The following ZNF846 variants were observed in gnomAD, a reference collection of about 807,000 sequenced individuals.
ZNF846 encodes the protein zinc finger protein 420 pseudogene.
A neutral mutation model predicts 16.0 loss-of-function variants in ZNF846; 15 were observed. The ratio of observed to expected loss-of-function variants is 0.94; its 90% CI spans 0.63 to 1.45. The LOEUF (loss-of-function observed/expected upper bound fraction) is 1.45, where lower values mean the gene tolerates loss of function less well. Ranked by LOEUF, ZNF846 falls within the 40% of genes most tolerant of loss-of-function variation. ZNF846 has a pLI of 0.00. For missense variants in ZNF846, 714 were observed against 622.3 expected, an observed-to-expected ratio of 1.15 and a Z score of -1.57; for synonymous variants, 229 against 212.0, an observed-to-expected ratio of 1.08 and a Z score of -0.70.
chr19:9,775,185 GTATATATA>G lies in ZNF846; in HGVS notation c.-85-10158_-85-10151del, dbSNP rs559361921. ...TTTAAATATATATACATATATATGT[GTATATATA>G]TGTGTGTGTGTGTGTGTGTGTATAT... On this transcript the variant is annotated intron_variant, in intron 1 of 4. Transcript: ENST00000586814. 2.1e-5 allele frequency among the ~76,000 whole-genome samples: 3 copies of G among 140,858 alleles called. No homozygotes were observed. In the South Asian group the frequency reaches 6.6e-4, roughly 31 times the overall value. The allele number at this position is 140,858 out of a possible 152,430, so 92.4% of individuals were successfully genotyped here. A position where few individuals can be genotyped will look rare whatever the true frequency, so the allele number is the denominator to read the frequency against.
At chr19:9,771,753 G>T (rs1398622059), upstream of ZNF846, among the ~76,000 whole-genome samples, 1 of 149,084 alleles carries the variant, frequency 6.7e-6, no homozygotes, top group Non-Finnish European at 1.5e-5. Context: ...CTGTAAACAT[G>T]TGTGTGCAAG....
chr19:9,760,021 G>A (rs1219116277), intron 4 of ZNF846, 79 bp from the exon 5 acceptor site: 5 of 1,061,620 alleles, frequency 4.7e-6, no homozygotes, highest in African/African-American at 1.6e-5. Flanking sequence ...GCTGGGCGTG[G>A]TGGCTCACAC....
intron 2 of ZNF846, chr19:9,763,610 C>A (rs1415108731): frequency 4.6e-6 from 2 of 431,960 alleles, no homozygotes; most frequent in East Asian, 3.4e-5. Flanking sequence ...CTAAACTGAT[C>A]TTCCTACAGC....
At chr19:9,775,881 T>C (rs2045435863) in intron 1 of ZNF846, among the ~76,000 whole-genome samples, 1 of 152,226 alleles carries the variant, frequency 6.6e-6, no homozygotes, top group African/African-American at 2.4e-5. Flanking sequence ...CATGATTATA[T>C]ATGAATATCA....
At chr19:9,771,214 T>C (rs1356799497), upstream of ZNF846, among the ~76,000 whole-genome samples, 1 of 152,152 alleles carries the variant, frequency 6.6e-6, no homozygotes, top group African/African-American at 2.4e-5. Context: ...AGATGGAGTC[T>C]CATTCTGTTG....
Position 9,762,330 on chromosome 19 carries a change from A to C in ZNF846, c.143-162T>G, listed in dbSNP as rs11880017. 1,944 of 591,640 alleles carry C rather than the reference A, an allele frequency of 3.3e-3. 35 individuals are homozygous for C. The highest frequency in any genetic ancestry group is 0.031 in the African/African-American group (1,684 of 53,652). The allele number at this position is 591,640 out of a possible 1,614,324, so 36.6% of individuals were successfully genotyped here. A position where few individuals can be genotyped will look rare whatever the true frequency, so the allele number is the denominator to read the frequency against. ...TAACATTTCCAATACATGCACTAAA[A>C]CTATTTTTAAAATAACAAAAATGTT... On this transcript the variant is annotated intron_variant, in intron 3 of 5. Coordinates refer to ENST00000397902, the Ensembl canonical transcript of ZNF846.
chr19:9,758,885 A>G, intron 5 of ZNF846, 121 bp from the exon 6 acceptor site: 1 of 859,528 alleles, frequency 1.2e-6, no homozygotes. Context: ...TATCCATTAT[A>G]TGTACAGAGT....
At chr19:9,752,942 A>G (rs561996078), downstream of ZNF846, among the ~76,000 whole-genome samples, 12 of 152,056 alleles carry the variant, frequency 7.9e-5, no homozygotes, top group Admixed American at 3.3e-4. Flanking sequence ...TAAACAACAT[A>G]AATTTATTTC....
At chr19:9,757,270 C>G (rs1245281157), downstream of ZNF846, among the ~76,000 whole-genome samples, 1 of 151,372 alleles carries the variant, frequency 6.6e-6, no homozygotes, top group Non-Finnish European at 1.5e-5. Flanking sequence ...AGATTTTTCT[C>G]CCAAAGGTGA....
At chr19:9,759,308 G>A (rs1230615364) in intron 5 of ZNF846, among the ~76,000 whole-genome samples, 1 of 149,648 alleles carries the variant, frequency 6.7e-6, no homozygotes, top group East Asian at 2.1e-4. Context: ...GAATTATTTA[G>A]ACTAAATTAT....
chr19:9,762,060 C>T, intron 4 of ZNF846, 22 bp downstream of exon 4: 1 of 1,606,526 alleles, frequency 6.2e-7, no homozygotes, highest in Non-Finnish European at 8.5e-7. Context: ...TGCCATAATA[C>T]CACATCTGCT....
chr19:9,767,886 T>C (rs569636208), intron 1 of ZNF846, among the ~76,000 whole-genome samples: 8 of 152,116 alleles, frequency 5.3e-5, no homozygotes, highest in Admixed American at 1.3e-4. Context: ...TGAGCCTATA[T>C]CACGCCATTG....
intron 1 of ZNF846, among the ~76,000 whole-genome samples, chr19:9,781,282 A>G (rs531420756): frequency 5.3e-5 from 8 of 151,990 alleles, no homozygotes; most frequent in African/African-American, 1.9e-4. Flanking sequence ...ATGCACCACC[A>G]CGCCCTGTAA....
At chr19:9,773,411 AGT>A (rs376059174), upstream of ZNF846, among the ~76,000 whole-genome samples, 19 of 151,980 alleles carry the variant, frequency 1.3e-4, no homozygotes, top group Middle Eastern at 3.4e-3. Flanking sequence ...CCTATAGCTG[AGT>A]GTGTGTGTGT....
At chr19:9,765,001 G>T in exon 2 of ZNF846, 1 of 1,606,008 alleles carries the variant, frequency 6.2e-7, no homozygotes, top group Non-Finnish European at 8.5e-7. Flanking sequence ...CGATGTTCCT[G>T]TCATGAAGAC....
At chr19:9,781,262 A>G (rs1035718444) in intron 1 of ZNF846, among the ~76,000 whole-genome samples, 1 of 151,966 alleles carries the variant, frequency 6.6e-6, no homozygotes, top group Non-Finnish European at 1.5e-5. Context: ...GAGTAGCTGG[A>G]ATTACAGGCA....
chr19:9,773,175 C>T (rs2045402692), upstream of ZNF846, among the ~76,000 whole-genome samples: 1 of 152,120 alleles, frequency 6.6e-6, no homozygotes, highest in Non-Finnish European at 1.5e-5. Context: ...AAAAATTCAA[C>T]ACTCATTTAT....
exon 1 of ZNF846, chr19:9,786,058 C>T (rs917057687): frequency 6.6e-6 from 1 of 151,970 alleles, no homozygotes; most frequent in Non-Finnish European, 1.5e-5. Flanking sequence ...GAACTGAGGG[C>T]TCTGGACCCG....
In ZNF846 at chr19:9,774,424, C is replaced by T. The variant is rs543404591; in HGVS notation, c.-85-9389G>A. 2.8e-4 allele frequency: 176 copies of T among 629,708 alleles called. 1 individual carries two copies. The highest frequency in any genetic ancestry group is 4.2e-4 in the Non-Finnish European group (147 of 348,112). 39.0% of individuals were successfully genotyped at this position (629,708 alleles called of 1,614,324 possible). ...TGGAGCTTGCAGTGAACTGAGATTG[C>T]GCCACTGCACTCCAGCCTGGGCAAC... On this transcript the variant is annotated intron_variant, in intron 1 of 4. Coordinates refer to the ZNF846 transcript ENST00000586814.
Sources: allele counts gnomAD v4.1 joint callset (sites outside exome capture counted in the v4.1 genomes callset), GRCh38; gene constraint gnomAD v4.1.1; transcripts MANE v1.5; gene names NCBI Gene and HGNC (gene_info 2026-07-23, HGNC 2026-07-21).